ZNG1C: variants seen among roughly 807,000 people sequenced by gnomAD.
ZNG1C encodes Zn regulated GTPase metalloprotein activator 1C.
the ZNG1C span, among the ~76,000 whole-genome samples, chr9:68,288,490 G>T: frequency 0.015 from 2,267 of 151,946 alleles, 38 homozygotes; most frequent in African/African-American, 0.053. Flanking sequence ...CTGAGACGGA[G>T]TCTCGCTCCG....
At chr9:68,252,690 A>AAAAT in the ZNG1C span, among the ~76,000 whole-genome samples, 1 of 1,824 alleles carries the variant, frequency 5.5e-4, no homozygotes, top group Non-Finnish European at 1.7e-3. Flanking sequence ...ACTCCATCTC[A>AAAAT]AAATAAATAA....
At chr9:68,291,330 T>C in the ZNG1C span, among the ~76,000 whole-genome samples, 1 of 58,582 alleles carries the variant, frequency 1.7e-5, no homozygotes, top group South Asian at 4.1e-4. Flanking sequence ...ATTATACCCA[T>C]TGAACAGCAC....
At chr9:68,281,483 T>A in the ZNG1C span, among the ~76,000 whole-genome samples, 2 of 112,686 alleles carry the variant, frequency 1.8e-5, no homozygotes, top group East Asian at 4.2e-4. Context: ...TTTTTTATTG[T>A]AGTAAGAACA....
the ZNG1C span, chr9:68,273,896 G>A: frequency 8.5e-6 from 1 of 117,002 alleles, no homozygotes; most frequent in African/African-American, 3.0e-5. Flanking sequence ...CTGGAGTGCA[G>A]TGGTGCAATC....
the ZNG1C span, among the ~76,000 whole-genome samples, chr9:68,291,740 A>G: frequency 6.6e-6 from 1 of 151,584 alleles, no homozygotes; most frequent in Non-Finnish European, 1.5e-5. Context: ...CGCTTTTCCT[A>G]TTACTACTAA....
chr9:68,298,897 T>C, the ZNG1C span: 4 of 636,292 alleles, frequency 6.3e-6, no homozygotes, highest in Non-Finnish European at 1.1e-5. Flanking sequence ...TTAACATTGA[T>C]GCTCTATTTC....
chr9:68,271,880 G>A, the ZNG1C span, among the ~76,000 whole-genome samples: 1 of 151,352 alleles, frequency 6.6e-6, no homozygotes, highest in African/African-American at 2.4e-5. Flanking sequence ...ATACAGGAAG[G>A]AGGAGCAACA....
At chr9:68,244,639 A>G in the ZNG1C span, among the ~76,000 whole-genome samples, 17 of 137,290 alleles carry the variant, frequency 1.2e-4, no homozygotes, top group African/African-American at 4.9e-4. Context: ...CTACAATACT[A>G]TGCAGTTAGG....
the ZNG1C span, among the ~76,000 whole-genome samples, chr9:68,297,326 TC>T: frequency 1.0e-5 from 1 of 100,318 alleles, no homozygotes; most frequent in Non-Finnish European, 2.1e-5. Context: ...CATCAGGGTT[TC>T]TGAGTGAGTT....
the ZNG1C span, among the ~76,000 whole-genome samples, chr9:68,249,215 G>A: frequency 1.3e-5 from 2 of 151,546 alleles, no homozygotes; most frequent in Non-Finnish European, 2.9e-5. Flanking sequence ...TCTAAGTACA[G>A]TTGTCCCTTG....
chr9:68,276,473 A>AT, the ZNG1C span, among the ~76,000 whole-genome samples: 1 of 130,570 alleles, frequency 7.7e-6, no homozygotes, highest in Non-Finnish European at 1.6e-5. Flanking sequence ...TCTTGAATTG[A>AT]TTTTTGTATA....
the ZNG1C span, among the ~76,000 whole-genome samples, chr9:68,244,964 G>GGCTA: frequency 6.8e-6 from 1 of 146,046 alleles, no homozygotes; most frequent in Non-Finnish European, 1.5e-5. Context: ...GGGAAGGTTA[G>GGCTA]GCTAGGTTGA....
At chr9:68,299,281 A>C in the ZNG1C span, 2 of 1,420,306 alleles carry the variant, frequency 1.4e-6, no homozygotes, top group Non-Finnish European at 1.9e-6. Flanking sequence ...TTCTTCTTCA[A>C]TTTTAGAAAA....
chr9:68,271,281 ATAAGT>A, the ZNG1C span, among the ~76,000 whole-genome samples: 1 of 57,632 alleles, frequency 1.7e-5, no homozygotes, highest in African/African-American at 7.6e-5. Flanking sequence ...CTGGTCAATA[ATAAGT>A]TAAATTAATT....
At chr9:68,284,895 A>ATTTT in the ZNG1C span, among the ~76,000 whole-genome samples, 3 of 127,444 alleles carry the variant, frequency 2.4e-5, no homozygotes, top group African/African-American at 9.4e-5. Flanking sequence ...TCGTTGTTAG[A>ATTTT]TTTTTTTTTT....
chr9:68,264,627 G>A, the ZNG1C span: 1 of 3,470 alleles, frequency 2.9e-4, no homozygotes, highest in Non-Finnish European at 6.4e-4. Context: ...AGGAAAATTT[G>A]TTTTCTTTTT....
the ZNG1C span, among the ~76,000 whole-genome samples, chr9:68,266,713 G>GTTT: frequency 2.2e-3 from 252 of 115,132 alleles, no homozygotes; most frequent in African/African-American, 8.3e-3. Flanking sequence ...TTCTTGTTCT[G>GTTT]TTTTTTTTTT....
the ZNG1C span, among the ~76,000 whole-genome samples, chr9:68,255,881 G>A: frequency 6.6e-6 from 1 of 152,154 alleles, no homozygotes; most frequent in Non-Finnish European, 1.5e-5. Context: ...TCATGGTAAA[G>A]TAATTTCCTT....
chr9:68,275,379 G>A, the ZNG1C span, among the ~76,000 whole-genome samples: 1 of 148,950 alleles, frequency 6.7e-6, no homozygotes, highest in African/African-American at 2.4e-5. Context: ...CAATGTGCAG[G>A]TTAGTTACAT....
Sources: gnomAD v4.1 joint callset for allele counts (sites outside exome capture counted in the v4.1 genomes callset) on GRCh38, gnomAD v4.1.1 for gene constraint, MANE v1.5 for transcripts, NCBI Gene and HGNC (gene_info 2026-07-23, HGNC 2026-07-21) for gene names.